GRIK2: variants seen among roughly 807,000 people sequenced by gnomAD.
GRIK2 encodes glutamate receptor ionotropic, kainate 2.
A neutral mutation model predicts 100.3 loss-of-function variants in GRIK2; 32 were observed. That is an observed-to-expected ratio of 0.32 (90% CI 0.24 to 0.43). The LOEUF (loss-of-function observed/expected upper bound fraction) is 0.43, where lower values mean the gene tolerates loss of function less well. Ranked by LOEUF, GRIK2 falls within the 20% of genes least tolerant of loss-of-function variation. The pLI, the probability that GRIK2 is intolerant of heterozygous loss-of-function variation, is 1.00. For missense variants in GRIK2, 843 were observed against 1,114.9 expected, an observed-to-expected ratio of 0.76 and a Z score of 3.47; for synonymous variants, 417 against 389.4, an observed-to-expected ratio of 1.07 and a Z score of -0.83.
In GRIK2 at chr6:101,393,845, C is replaced by A. The variant is rs2852500; in HGVS notation, c.-294+8C>A. Among the ~76,000 whole-genome samples, 28,548 of 150,644 alleles carry A rather than the reference C, an allele frequency of 0.19. 2,994 individuals are homozygous for A. Among genetic ancestry groups the A allele is most frequent in the African/African-American group, 0.24 (9,894 of 41,352 alleles). On this transcript the variant is annotated splice_region_variant and intron_variant, in intron 1 of 16. Transcript: ENST00000369134. ...CCTCACCCCTAGCTCCAGGTAAGGA[C>A]TCCCCGGCTGTGGGCTGCACTCCGG...
chr6:102,067,177 G>T (rs1428317417), intron 16 of GRIK2, among the ~76,000 whole-genome samples: 1 of 151,572 alleles, frequency 6.6e-6, no homozygotes, highest in Non-Finnish European at 1.5e-5. Context: ...AACGTGTTTT[G>T]ATGTATATAT....
chr6:101,821,473 T>G (rs1341030309), intron 10 of GRIK2, among the ~76,000 whole-genome samples: 2 of 152,146 alleles, frequency 1.3e-5, no homozygotes, highest in African/African-American at 4.8e-5. Context: ...GATTAAGAAC[T>G]ATAGCTCAGA....
chr6:101,858,386 C>CTTTTTTTTTTTTTTTTTTTTT (rs780526806), intron 10 of GRIK2, among the ~76,000 whole-genome samples: 1 of 91,654 alleles, frequency 1.1e-5, no homozygotes, highest in Non-Finnish European at 2.3e-5. Context: ...ATTTTTTTTT[C>CTTTTTTTTTTTTTTTTTTTTT]TTTTTTTTTT....
At chr6:101,545,422 G>T (rs2749078) in intron 2 of GRIK2, among the ~76,000 whole-genome samples, 11,548 of 152,136 alleles carry the variant, frequency 0.076, 587 homozygotes, top group Middle Eastern at 0.14. Context: ...TATTTTAAGA[G>T]AAAATTTTTT....
At chr6:102,058,683 T>A (rs1771593268) in intron 16 of GRIK2, among the ~76,000 whole-genome samples, 1 of 151,522 alleles carries the variant, frequency 6.6e-6, no homozygotes, top group Non-Finnish European at 1.5e-5. Context: ...ATACAGAAAT[T>A]CAGTTTACTT....
At chr6:101,435,682 G>A (rs986888372) in intron 2 of GRIK2, among the ~76,000 whole-genome samples, 2 of 151,992 alleles carry the variant, frequency 1.3e-5, no homozygotes, top group African/African-American at 4.8e-5. Flanking sequence ...GATATCTCAA[G>A]ATCCATGTGC....
chr6:101,529,551 T>A (rs1366824730), intron 2 of GRIK2, among the ~76,000 whole-genome samples: 1 of 152,106 alleles, frequency 6.6e-6, no homozygotes, highest in African/African-American at 2.4e-5. Context: ...TGTGATATAG[T>A]GTGCTCTGTT....
chr6:101,836,873 C>A (rs867074433), intron 10 of GRIK2, among the ~76,000 whole-genome samples: 5 of 151,538 alleles, frequency 3.3e-5, no homozygotes, highest in Non-Finnish European at 5.9e-5. Flanking sequence ...ACCATATTGG[C>A]CAGGCTGGTC....
intron 2 of GRIK2, among the ~76,000 whole-genome samples, chr6:101,455,667 T>C (rs556403244): frequency 9.3e-4 from 141 of 152,218 alleles, no homozygotes; most frequent in Admixed American, 2.4e-3. Context: ...TATTTAGTGG[T>C]ACATTTACTT....
chr6:101,928,699 C>G (rs1217271652), intron 14 of GRIK2, 67 bp downstream of exon 14: 1 of 796,244 alleles, frequency 1.3e-6, no homozygotes, highest in Non-Finnish European at 2.2e-6. Context: ...TCTCGATTCA[C>G]AAATGTAAGA....
intron 2 of GRIK2, among the ~76,000 whole-genome samples, chr6:101,462,744 T>C (rs1771396873): frequency 6.6e-6 from 1 of 152,102 alleles, no homozygotes; most frequent in Non-Finnish European, 1.5e-5. Context: ...AGGGCTGCTG[T>C]CCAAGGGAAC....
At position 101,759,913 on chromosome 6, in the gene GRIK2, C is replaced by T. The variant is rs775250544; in HGVS notation, c.952-39735C>T. On this transcript the variant is annotated intron_variant, in intron 7 of 16. Coordinates refer to ENST00000369134, the MANE Select transcript of GRIK2 (RefSeq NM_021956.5). ...TTTTTGAGACGGAGTCTCGCTCTGT[C>T]GCCCAGGCCGGACTGCGGACTGCAG... Among the ~76,000 whole-genome samples the T allele has an allele frequency of 6.7e-4, 88 of 130,576 alleles. 1 individual carries two copies. The highest frequency in any genetic ancestry group is 1.1e-3 in the Admixed American group (14 of 13,114). 85.7% of individuals were successfully genotyped at this position (130,576 alleles called of 152,430 possible). A position where few individuals can be genotyped will look rare whatever the true frequency, so the allele number is the denominator to read the frequency against.
At chr6:101,785,623 C>A (rs1312005485) in intron 7 of GRIK2, among the ~76,000 whole-genome samples, 1 of 151,968 alleles carries the variant, frequency 6.6e-6, no homozygotes, top group Non-Finnish European at 1.5e-5. Flanking sequence ...AATCAGTAGA[C>A]TATAAATATA....
intron 14 of GRIK2, among the ~76,000 whole-genome samples, chr6:102,004,911 T>C (rs1795132410): frequency 6.6e-6 from 1 of 151,848 alleles, no homozygotes; most frequent in African/African-American, 2.4e-5. Context: ...CTATTCCTTT[T>C]GCATTTCCAG....
At chr6:101,744,558 A>ATATATATATATATATATATATATC (rs751011648) in intron 7 of GRIK2, 1 of 115,028 alleles carries the variant, frequency 8.7e-6, no homozygotes, top group African/African-American at 3.7e-5. Context: ...ATATATATAT[A>ATATATATATATATATATATATATC]TCACAATTTC....
At chr6:101,817,689 C>T (rs766968078) in intron 9 of GRIK2, among the ~76,000 whole-genome samples, 15 of 152,182 alleles carry the variant, frequency 9.9e-5, no homozygotes, top group Non-Finnish European at 2.1e-4. Flanking sequence ...TGTCTAAACA[C>T]TGTGAGTATA....
chr6:101,822,953 T>C (rs1782050138), intron 10 of GRIK2, among the ~76,000 whole-genome samples: 1 of 152,142 alleles, frequency 6.6e-6, no homozygotes. Context: ...TCTTGATTGA[T>C]AATTATTTAC....
chr6:101,396,026 G>A (rs1174981551), intron 1 of GRIK2, among the ~76,000 whole-genome samples: 1 of 152,116 alleles, frequency 6.6e-6, no homozygotes, highest in African/African-American at 2.4e-5. Flanking sequence ...TAAGGAAGAA[G>A]CAAATTACAG....
chr6:101,778,477 CAA>C (rs1463174146), intron 7 of GRIK2, among the ~76,000 whole-genome samples: 10 of 152,074 alleles, frequency 6.6e-5, no homozygotes. Context: ...TAATAAACAA[CAA>C]GTCTTGAGCA....
Sources: allele counts gnomAD v4.1 joint callset (sites outside exome capture counted in the v4.1 genomes callset), GRCh38; gene constraint gnomAD v4.1.1; transcripts MANE v1.5; gene names NCBI Gene and HGNC (gene_info 2026-07-23, HGNC 2026-07-21).